Variants in NEBL observed in about 807,000 individuals in gnomAD.
NEBL encodes the protein LIM and SH3 protein 2.
Under a neutral mutation model 140.2 loss-of-function variants are expected in NEBL, and 122 were observed. That is an observed-to-expected ratio of 0.87 (90% confidence interval 0.75 to 1.01). The LOEUF is 1.01. Among genes scored for constraint, NEBL ranks in the 50% least tolerant of loss-of-function variants. NEBL has a pLI of 0.00. For missense variants in NEBL, 1,365 were observed against 1,231.3 expected (o/e 1.11, Z -1.62); for synonymous variants, 436 against 398.9 (o/e 1.09, Z -1.11).
chr10:21,044,413 A>AAAAAAAAAAAAAAAAAAAAAAC (rs1834415088), intron 2 of NEBL, among the ~76,000 whole-genome samples: 1 of 148,042 alleles, frequency 6.8e-6, no homozygotes, highest in Non-Finnish European at 1.5e-5. Context: ...AAAAAAAAAA[A>AAAAAAAAAAAAAAAAAAAAAAC]AAAAAAAAAA....
At chr10:21,043,287 C>T (rs770355570) in intron 2 of NEBL, among the ~76,000 whole-genome samples, 7 of 152,094 alleles carry the variant, frequency 4.6e-5, no homozygotes, top group Non-Finnish European at 8.8e-5. Context: ...CAACACCAAC[C>T]AGTTGTCATC....
intron 2 of NEBL, among the ~76,000 whole-genome samples, chr10:21,032,829 G>T (rs1298674240): frequency 6.6e-6 from 1 of 152,086 alleles, no homozygotes; most frequent in Non-Finnish European, 1.5e-5. Context: ...CAAACAGCTT[G>T]CCACCTATTG....
chr10:21,159,942 T>C (rs765238097), intron 2 of NEBL, among the ~76,000 whole-genome samples: 2 of 152,240 alleles, frequency 1.3e-5, no homozygotes, highest in Non-Finnish European at 2.9e-5. Context: ...TGAGAATTAC[T>C]TGATCCTTCC....
intron 14 of NEBL, among the ~76,000 whole-genome samples, chr10:20,833,333 A>T (rs1840592478): frequency 6.6e-6 from 1 of 152,220 alleles, no homozygotes; most frequent in South Asian, 2.1e-4. Context: ...CATTTGTGTC[A>T]CAATAAGATC....
chr10:21,247,132 G>C (rs1842527004), intron 3 of NEBL, among the ~76,000 whole-genome samples: 1 of 152,098 alleles, frequency 6.6e-6, no homozygotes, highest in South Asian at 2.1e-4. Context: ...TAAGTTTCCT[G>C]AGGACTCCCC....
chr10:21,143,266 T>A (rs1013912470), intron 2 of NEBL, among the ~76,000 whole-genome samples: 5 of 151,802 alleles, frequency 3.3e-5, no homozygotes, highest in Admixed American at 6.6e-5. Flanking sequence ...CTGGCCAACA[T>A]GGCGAAACCC....
At chr10:20,865,698 T>C (rs929540557) in intron 7 of NEBL, among the ~76,000 whole-genome samples, 7 of 152,290 alleles carry the variant, frequency 4.6e-5, no homozygotes, top group Non-Finnish European at 1.5e-5. Context: ...CGCCCTTTAA[T>C]GCAAGTGTCA....
chr10:20,870,357 T>A (rs1844803551), intron 5 of NEBL, among the ~76,000 whole-genome samples: 2 of 147,620 alleles, frequency 1.4e-5, no homozygotes, highest in African/African-American at 2.5e-5. Flanking sequence ...TTGAACTGAA[T>A]TTATGCTACC....
At position 21,167,071 on chromosome 10, in the gene NEBL, G is replaced by C. The variant is rs1690505443; in HGVS notation, c.164+5312C>G. Reference sequence around the variant, plus strand: ...GCCTCGATAATCACACTCAACAGGGGCCGGCAGAACTGTGCTGACCGTTCT... The same window carrying C: ...GCCTCGATAATCACACTCAACAGGGCCCGGCAGAACTGTGCTGACCGTTCT... On this transcript the variant is annotated intron_variant, in intron 2 of 6. Coordinates refer to the NEBL transcript ENST00000417816. Among the ~76,000 whole-genome samples the C allele has an allele frequency of 1.3e-5, 2 of 152,230 alleles. 1 individual carries two copies. Among genetic ancestry groups the C allele is most frequent in the South Asian group, 4.1e-4 (2 of 4,826 alleles).
At chr10:21,043,555 T>C (rs1040854795) in intron 2 of NEBL, among the ~76,000 whole-genome samples, 4 of 152,222 alleles carry the variant, frequency 2.6e-5, no homozygotes, top group Admixed American at 2.6e-4. Context: ...CAGACACACA[T>C]ACATGATTAA....
At chr10:21,042,300 T>C (rs1017648731) in intron 2 of NEBL, among the ~76,000 whole-genome samples, 2 of 152,202 alleles carry the variant, frequency 1.3e-5, no homozygotes, top group Admixed American at 6.5e-5. Context: ...TAGTGAGTGT[T>C]GGATCCAAAA....
chr10:20,990,527 G>A (rs1837418511), intron 3 of NEBL, among the ~76,000 whole-genome samples: 1 of 152,156 alleles, frequency 6.6e-6, no homozygotes, highest in Non-Finnish European at 1.5e-5. Context: ...CACCAGATCT[G>A]CTGGCCCCTT....
chr10:20,861,075 T>C (rs1843651249), intron 7 of NEBL, among the ~76,000 whole-genome samples: 1 of 152,222 alleles, frequency 6.6e-6, no homozygotes, highest in African/African-American at 2.4e-5. Context: ...TTTATTATTT[T>C]GTGTCTTGAA....
At chr10:21,126,372 T>A (rs1266415765) in intron 2 of NEBL, among the ~76,000 whole-genome samples, 1 of 152,148 alleles carries the variant, frequency 6.6e-6, no homozygotes, top group Non-Finnish European at 1.5e-5. Context: ...CTCAAGCCAG[T>A]GTCACATAAC....
chr10:21,264,681 G>T (rs1326738557), intron 1 of NEBL, among the ~76,000 whole-genome samples: 12 of 103,884 alleles, frequency 1.2e-4, no homozygotes, highest in African/African-American at 4.2e-4. Context: ...CCCTTAATTT[G>T]TTCCAGTTGC....
At chr10:21,144,222 G>A (rs1839779352) in intron 2 of NEBL, among the ~76,000 whole-genome samples, 1 of 152,200 alleles carries the variant, frequency 6.6e-6, no homozygotes, top group Non-Finnish European at 1.5e-5. Flanking sequence ...CAGGCCCTCA[G>A]TTACCTTCAC....
chr10:20,892,595 A>C (rs142360473), intron 2 of NEBL, among the ~76,000 whole-genome samples: 1 of 152,270 alleles, frequency 6.6e-6, no homozygotes, highest in East Asian at 1.9e-4. Flanking sequence ...CAAAAGACAA[A>C]AAGGGCAAAA....
At chr10:21,141,033 A>G (rs897437798) in intron 2 of NEBL, among the ~76,000 whole-genome samples, 4 of 150,022 alleles carry the variant, frequency 2.7e-5, no homozygotes, top group African/African-American at 7.5e-5. Context: ...GGAGACATCA[A>G]ATAAATATAA....
At chr10:20,916,477 G>A (rs1848561594) in intron 4 of NEBL, among the ~76,000 whole-genome samples, 1 of 152,124 alleles carries the variant, frequency 6.6e-6, no homozygotes, top group African/African-American at 2.4e-5. Context: ...CACGATCTTG[G>A]CTCACCACAA....
Sources: gnomAD v4.1 joint callset for allele counts (sites outside exome capture counted in the v4.1 genomes callset) on GRCh38, gnomAD v4.1.1 for gene constraint, MANE v1.5 for transcripts, NCBI Gene and HGNC (gene_info 2026-07-23, HGNC 2026-07-21) for gene names.